The following NBEA variants were observed in gnomAD, a reference collection of about 807,000 sequenced individuals.
The protein encoded by NBEA is neurobeachin.
NBEA carries 44 observed loss-of-function variants against 343.4 expected under a neutral mutation model. The observed-to-expected ratio is 0.13, with a 90% CI of 0.10 to 0.16. NBEA has a LOEUF of 0.16. Ranked by LOEUF, NBEA falls within the 10% of genes least tolerant of loss-of-function variation. The pLI, the probability that NBEA is intolerant of heterozygous loss-of-function variation, is 1.00. For synonymous variants in NBEA, 1,175 were observed against 1,238.7 expected (o/e 0.95, Z 1.08); for missense variants, 2,555 against 3,631.3 (o/e 0.70, Z 7.62).
intron 8 of NBEA, among the ~76,000 whole-genome samples, chr13:35,067,342 A>G (rs1171483342): frequency 6.6e-6 from 1 of 152,134 alleles, no homozygotes; most frequent in Non-Finnish European, 1.5e-5. Context: ...GAAGTGGTCC[A>G]TACTGAAAAG....
intron 36 of NBEA, among the ~76,000 whole-genome samples, chr13:35,313,935 G>A (rs1298308218): frequency 1.3e-5 from 2 of 152,124 alleles, no homozygotes; most frequent in Non-Finnish European, 2.9e-5. Flanking sequence ...AATTTGGAGA[G>A]AGGGGTTACT....
chr13:35,101,293 A>G (rs1321106038), intron 11 of NBEA, among the ~76,000 whole-genome samples: 8 of 151,952 alleles, frequency 5.3e-5, no homozygotes, highest in African/African-American at 1.9e-4. Flanking sequence ...AGCATTTTAC[A>G]TCCTACCAAC....
At chr13:35,623,892 A>T (rs2083106688) in intron 48 of NBEA, among the ~76,000 whole-genome samples, 2 of 152,182 alleles carry the variant, frequency 1.3e-5, no homozygotes, top group African/African-American at 4.8e-5. Flanking sequence ...TCCAGGAAAC[A>T]TGGAAAGCTA....
intron 34 of NBEA, among the ~76,000 whole-genome samples, chr13:35,282,173 A>G (rs2035098769): frequency 1.3e-5 from 2 of 152,072 alleles, no homozygotes; most frequent in South Asian, 4.1e-4. Context: ...CGGCCTCCCA[A>G]AGTGCTGGGA....
intron 1 of NBEA, among the ~76,000 whole-genome samples, chr13:34,981,610 G>A (rs1241038374): frequency 6.6e-6 from 1 of 152,088 alleles, no homozygotes; most frequent in Non-Finnish European, 1.5e-5. Flanking sequence ...GTGTGTCTGT[G>A]TTCATCAGAG....
chr13:35,403,970 A>T (rs1199120585), intron 38 of NBEA, among the ~76,000 whole-genome samples: 2 of 152,244 alleles, frequency 1.3e-5, no homozygotes, highest in Non-Finnish European at 2.9e-5. Context: ...TCAAAAGAAG[A>T]CATTTATGCA....
chr13:35,004,084 C>T (rs181994129), intron 1 of NBEA, among the ~76,000 whole-genome samples: 68 of 152,270 alleles, frequency 4.5e-4, no homozygotes, highest in Admixed American at 9.2e-4. Flanking sequence ...CAGTTTCATC[C>T]ATGTCCCTGC....
chr13:35,441,856 T>C (rs1199753584), intron 39 of NBEA, among the ~76,000 whole-genome samples: 1 of 146,668 alleles, frequency 6.8e-6, no homozygotes, highest in Non-Finnish European at 1.5e-5. Flanking sequence ...AAGAAGACAC[T>C]GAGGTAATGT....
chr13:35,431,264 A>C (rs1191716027), intron 38 of NBEA, among the ~76,000 whole-genome samples: 1 of 152,140 alleles, frequency 6.6e-6, no homozygotes, highest in Non-Finnish European at 1.5e-5. Context: ...AAAATATCAA[A>C]ATAATGAAAT....
In NBEA at chr13:35,118,093, G is replaced by A. The variant is rs2066598446; in HGVS notation, c.2083-135G>A. On this transcript the variant is annotated intron_variant, in intron 14 of 58. Coordinates refer to ENST00000379939, the MANE Select transcript of NBEA (RefSeq NM_001385012.1). The stretch of plus-strand genomic sequence containing the variant: ...TAATACAGTCTATAAATTGTGAAAT[G>A]TGTGGGGATTTTAATTAAAATATCA... 9.6e-6 allele frequency: 5 copies of A among 520,704 alleles called. No homozygotes were observed. The East Asian group carries it at 9.8e-5, about 10-fold the overall frequency. The allele number at this position is 520,704 out of a possible 1,614,324, so 32.3% of individuals were successfully genotyped here. A position where few individuals can be genotyped will look rare whatever the true frequency, so the allele number is the denominator to read the frequency against.
At chr13:35,136,903 A>G (rs1387098082) in intron 17 of NBEA, among the ~76,000 whole-genome samples, 1 of 152,226 alleles carries the variant, frequency 6.6e-6, no homozygotes, top group East Asian at 1.9e-4. Context: ...TTTGAAGTAG[A>G]CGAAGACCCA....
intron 38 of NBEA, among the ~76,000 whole-genome samples, chr13:35,404,479 C>A (rs2043162778): frequency 1.3e-5 from 2 of 151,412 alleles, no homozygotes; most frequent in Admixed American, 1.3e-4. Flanking sequence ...TGGAAACCAT[C>A]ATTCTCAGTA....
At chr13:35,271,781 T>G (rs373279440) in intron 34 of NBEA, among the ~76,000 whole-genome samples, 4 of 151,970 alleles carry the variant, frequency 2.6e-5, no homozygotes, top group Admixed American at 2.6e-4. Flanking sequence ...ATTAATGAAG[T>G]AAAGCATGAA....
chr13:35,669,751 G>A (rs1039611967), intron 58 of NBEA, among the ~76,000 whole-genome samples: 1 of 152,202 alleles, frequency 6.6e-6, no homozygotes, highest in African/African-American at 2.4e-5. Context: ...TGAGTGCAGT[G>A]CAAAGTACTA....
chr13:35,628,298 C>G lies in NBEA; in HGVS notation c.7617+50C>G, dbSNP rs1353258074. On this transcript the variant is annotated intron_variant, in intron 49 of 58. Coordinates refer to ENST00000379939, the MANE Select transcript of NBEA (RefSeq NM_001385012.1). ...CCAAAAATTTCTGTCATCTCTCAAA[C>G]ACAAATTTGACATTTCATCTCTTTC... 1.4e-5 allele frequency: 18 copies of G among 1,312,968 alleles called. No homozygotes were observed. In the Admixed American group the frequency reaches 5.0e-4, roughly 37 times the overall value. The allele number at this position is 1,312,968 out of a possible 1,614,324, so 81.3% of individuals were successfully genotyped here. A position where few individuals can be genotyped will look rare whatever the true frequency, so the allele number is the denominator to read the frequency against.
At chr13:35,303,597 G>A (rs1371598418) in intron 35 of NBEA, among the ~76,000 whole-genome samples, 1 of 152,056 alleles carries the variant, frequency 6.6e-6, no homozygotes, top group Non-Finnish European at 1.5e-5. Context: ...ACAAGTACAG[G>A]AAAACTTCAC....
chr13:35,385,338 G>A (rs1245855497), intron 38 of NBEA, among the ~76,000 whole-genome samples: 1 of 151,794 alleles, frequency 6.6e-6, no homozygotes, highest in African/African-American at 2.4e-5. Context: ...GCTTCCACCT[G>A]GTTGAACAAT....
At chr13:35,344,979 A>G (rs2152859683) in intron 36 of NBEA, among the ~76,000 whole-genome samples, 1 of 152,226 alleles carries the variant, frequency 6.6e-6, no homozygotes, top group Non-Finnish European at 1.5e-5. Flanking sequence ...GTAAGTTCTA[A>G]TTAAAATATT....
chr13:35,581,668 G>A (rs2081042741), intron 45 of NBEA, among the ~76,000 whole-genome samples: 1 of 144,142 alleles, frequency 6.9e-6, no homozygotes, highest in Non-Finnish European at 1.5e-5. Flanking sequence ...TCACTCATAG[G>A]TGGGAATTGA....
Sources: gnomAD v4.1 joint callset for allele counts (sites outside exome capture counted in the v4.1 genomes callset) on GRCh38, gnomAD v4.1.1 for gene constraint, MANE v1.5 for transcripts, NCBI Gene and HGNC (gene_info 2026-07-23, HGNC 2026-07-21) for gene names.